Variants in ASTN2 observed in about 807,000 individuals in gnomAD.
The protein encoded by ASTN2 is astrotactin-2.
In ASTN2, 54 loss-of-function variants were observed where a neutral mutation model predicts 139.8. That is an observed-to-expected ratio of 0.39 (90% CI 0.31 to 0.48). The LOEUF (loss-of-function observed/expected upper bound fraction) is 0.48, where lower values mean the gene tolerates loss of function less well. Ranked by LOEUF, ASTN2 falls within the 20% of genes least tolerant of loss-of-function variation. The probability of loss-of-function intolerance (pLI) is 0.95; values close to 1 mark genes in which losing one functional copy is unlikely to be tolerated. For synonymous variants in ASTN2, 756 were observed against 719.5 expected, an observed-to-expected ratio of 1.05 and a Z score of -0.81; for missense variants, 1,565 against 1,725.1, an observed-to-expected ratio of 0.91 and a Z score of 1.64.
chr9:116,890,999 T>C (rs1833750021), intron 10 of ASTN2, among the ~76,000 whole-genome samples: 1 of 152,212 alleles, frequency 6.6e-6, no homozygotes, highest in Non-Finnish European at 1.5e-5. Flanking sequence ...AAGGCAATTC[T>C]AGTTCATCTA....
At chr9:116,446,272 T>TAGATAGAG (rs1564282640) in intron 20 of ASTN2, among the ~76,000 whole-genome samples, 2 of 119,036 alleles carry the variant, frequency 1.7e-5, no homozygotes, top group Non-Finnish European at 1.7e-5. Context: ...GAGAGAGAGA[T>TAGATAGAG]AGAGAGAGAG....
At chr9:116,625,311 G>A (rs1434782704) in intron 17 of ASTN2, among the ~76,000 whole-genome samples, 1 of 152,170 alleles carries the variant, frequency 6.6e-6, no homozygotes, top group Non-Finnish European at 1.5e-5. Context: ...GTGGGTGCCT[G>A]TAATCACAGT....
Position 116,769,940 on chromosome 9 carries a change from G to A in ASTN2, c.2396+35692C>T, listed in dbSNP as rs114718160. Among the ~76,000 whole-genome samples, 1,051 of 151,982 alleles carry A rather than the reference G, an allele frequency of 6.9e-3. 6 individuals are homozygous for A. Among genetic ancestry groups the A allele is most frequent in the African/African-American group, 0.024 (1,007 of 41,426 alleles). On this transcript the variant is annotated intron_variant, in intron 13 of 22. Transcript: ENST00000313400. ...GGGTGCCTTTAATTTCAGCTACTTG[G>A]GAGGCTGAAGAAGGAGTTTGAGTTT...
At chr9:116,447,022 T>C (rs1232861028) in intron 20 of ASTN2, among the ~76,000 whole-genome samples, 1 of 152,168 alleles carries the variant, frequency 6.6e-6, no homozygotes, top group Non-Finnish European at 1.5e-5. Context: ...ACCCCCTCAT[T>C]TGAGCTCTGG....
intron 4 of ASTN2, among the ~76,000 whole-genome samples, chr9:117,110,131 T>C (rs930070986): frequency 6.6e-6 from 1 of 152,240 alleles, no homozygotes; most frequent in Non-Finnish European, 1.5e-5. Context: ...ATAAAAAAGT[T>C]ATTTCTTGCT....
intron 16 of ASTN2, among the ~76,000 whole-genome samples, chr9:116,668,910 CAG>C (rs747604106): frequency 3.3e-5 from 5 of 152,168 alleles, no homozygotes; most frequent in Admixed American, 1.3e-4. Context: ...ACCCCAGAGG[CAG>C]AGACTCAGGC....
chr9:116,429,247 G>C (rs1847413708), intron 22 of ASTN2, among the ~76,000 whole-genome samples: 1 of 149,524 alleles, frequency 6.7e-6, no homozygotes, highest in Non-Finnish European at 1.5e-5. Flanking sequence ...GCTGAAGCTG[G>C]AGAATTGCTT....
intron 3 of ASTN2, among the ~76,000 whole-genome samples, chr9:117,156,585 G>T (rs1216265659): frequency 6.6e-6 from 1 of 152,012 alleles, no homozygotes; most frequent in Non-Finnish European, 1.5e-5. Context: ...ATGGACTAAG[G>T]TAACAACTAT....
At position 117,291,482 on chromosome 9, in the gene ASTN2, C is replaced by T. The variant is rs751673767; in HGVS notation, c.474G>A (p.Leu158=). 6 of 1,612,306 alleles carry T rather than the reference C, an allele frequency of 3.7e-6. No individual in the cohort carries two copies. In the South Asian group the frequency reaches 6.6e-5, roughly 18 times the overall value. ...EMSGTAADIS[L]VHWRQQWLEN... Reference sequence around the variant, plus strand: ...CCAGCCACTGCTGTCTCCAGTGCACCAGCGAGATGTCCGCTGCTGTGCCAG... The same window carrying T: ...CCAGCCACTGCTGTCTCCAGTGCACTAGCGAGATGTCCGCTGCTGTGCCAG... Residue 158 remains leucine (L), a synonymous_variant, in exon 2 of 23, where the codon CTG becomes CTA. Transcript: ENST00000313400.
intron 19 of ASTN2, among the ~76,000 whole-genome samples, chr9:116,540,097 C>A (rs1289550532): frequency 6.6e-6 from 1 of 152,188 alleles, no homozygotes; most frequent in Non-Finnish European, 1.5e-5. Flanking sequence ...GCTTTTCCAG[C>A]CAATGGCTAG....
intron 10 of ASTN2, among the ~76,000 whole-genome samples, chr9:116,915,487 C>T (rs949377053): frequency 6.6e-6 from 1 of 152,076 alleles, no homozygotes; most frequent in Non-Finnish European, 1.5e-5. Flanking sequence ...TCCTGGATAG[C>T]TTCAGGATGG....
intron 7 of ASTN2, among the ~76,000 whole-genome samples, chr9:117,004,922 G>A (rs1030061939): frequency 1.3e-5 from 2 of 151,928 alleles, no homozygotes; most frequent in African/African-American, 2.4e-5. Context: ...CATTTATTGA[G>A]TATCAACTAT....
At chr9:117,243,755 C>T (rs549317594) in intron 2 of ASTN2, among the ~76,000 whole-genome samples, 26 of 152,286 alleles carry the variant, frequency 1.7e-4, no homozygotes, top group African/African-American at 4.6e-4. Context: ...CCACCCCTCC[C>T]CATGATGTAC....
intron 3 of ASTN2, among the ~76,000 whole-genome samples, chr9:117,185,589 C>T (rs763387120): frequency 7.9e-5 from 12 of 152,124 alleles, no homozygotes; most frequent in Middle Eastern, 3.2e-3. Flanking sequence ...TGGATGGTGA[C>T]GTCTCCTGGT....
chr9:116,951,643 G>A (rs955664151), intron 10 of ASTN2, among the ~76,000 whole-genome samples: 1 of 152,100 alleles, frequency 6.6e-6, no homozygotes, highest in Non-Finnish European at 1.5e-5. Flanking sequence ...AGGAGAGGGT[G>A]GTATTGGTAT....
At chr9:116,439,473 TACAGGC>T (rs1847775790) in intron 22 of ASTN2, among the ~76,000 whole-genome samples, 18 of 151,814 alleles carry the variant, frequency 1.2e-4, no homozygotes, top group African/African-American at 4.1e-4. Flanking sequence ...GTGCTGGGAT[TACAGGC>T]GTGAGCCACC....
chr9:116,427,805 CCA>C (rs1339909569), intron 22 of ASTN2, among the ~76,000 whole-genome samples: 21 of 152,372 alleles, frequency 1.4e-4, no homozygotes, highest in African/African-American at 4.3e-4. Context: ...CACACTCTAT[CCA>C]CAGTCCTCTT....
chr9:116,602,076 CAG>C (rs1854929708), intron 19 of ASTN2, among the ~76,000 whole-genome samples: 1 of 152,208 alleles, frequency 6.6e-6, no homozygotes, highest in Non-Finnish European at 1.5e-5. Context: ...GCAAATGTTT[CAG>C]ACCCTGTAGA....
intron 6 of ASTN2, among the ~76,000 whole-genome samples, chr9:117,016,657 A>G (rs1288385499): frequency 4.2e-5 from 1 of 23,822 alleles, no homozygotes; most frequent in African/African-American, 1.8e-4. Flanking sequence ...TATATATATA[A>G]CCTATATATA....
Sources: gnomAD v4.1 joint callset for allele counts (sites outside exome capture counted in the v4.1 genomes callset) on GRCh38, gnomAD v4.1.1 for gene constraint, MANE v1.5 for transcripts, NCBI Gene and HGNC (gene_info 2026-07-23, HGNC 2026-07-21) for gene names.